HSD17B3: variants seen among roughly 807,000 people sequenced by gnomAD.
The protein encoded by HSD17B3 is hydroxysteroid 17-beta dehydrogenase 3.
In HSD17B3, 29 loss-of-function variants were observed where a neutral mutation model predicts 41.1. The ratio of observed to expected loss-of-function variants is 0.71; its 90% CI spans 0.53 to 0.96. HSD17B3 has a LOEUF of 0.96. HSD17B3 is among the 40% of genes least tolerant of loss of function. HSD17B3 has a pLI of 0.00. For synonymous variants in HSD17B3, 126 were observed against 145.6 expected (o/e 0.87, Z 0.97); for missense variants, 323 against 374.6 (o/e 0.86, Z 1.14).
intron 2 of HSD17B3, among the ~76,000 whole-genome samples, chr9:96,262,078 A>G (rs1015909211): frequency 6.6e-6 from 1 of 152,152 alleles, no homozygotes; most frequent in Non-Finnish European, 1.5e-5. Context: ...ACCACTATGA[A>G]GTTTAAAGAG....
intron 9 of HSD17B3, 102 bp downstream of exon 9, chr9:96,244,227 A>G: frequency 1.8e-6 from 2 of 1,129,764 alleles, no homozygotes; most frequent in South Asian, 2.4e-5. Flanking sequence ...CACAGGAGGC[A>G]GTGGCCCCAG....
At chr9:96,258,804 T>C (rs1277106001) in intron 2 of HSD17B3, among the ~76,000 whole-genome samples, 2 of 152,132 alleles carry the variant, frequency 1.3e-5, no homozygotes, top group Non-Finnish European at 2.9e-5. Flanking sequence ...CATTTAGAAG[T>C]TTTTTCATGT....
Position 96,278,631 on chromosome 9 carries a change from A to G in HSD17B3, c.201+19785T>C, listed in dbSNP as rs902005918. 7.2e-5 allele frequency among the ~76,000 whole-genome samples: 11 copies of G among 152,284 alleles called. No homozygotes were observed. In the East Asian group the frequency reaches 1.7e-3, roughly 24 times the overall value. Reference sequence around the variant, plus strand: ...CCACAGCAATTACACACACTCCCTAAGGGAACTCTGTCTACAACTAGGCAG... The same window carrying G: ...CCACAGCAATTACACACACTCCCTAGGGGAACTCTGTCTACAACTAGGCAG... On this transcript the variant is annotated intron_variant, in intron 2 of 10. Coordinates refer to ENST00000375263, the MANE Select transcript of HSD17B3 (RefSeq NM_000197.2).
At chr9:96,275,414 C>T (rs1160036745) in intron 2 of HSD17B3, among the ~76,000 whole-genome samples, 6 of 151,588 alleles carry the variant, frequency 4.0e-5, no homozygotes, top group African/African-American at 1.5e-4. Context: ...TAACAGATAC[C>T]CGGTATAAAA....
intron 2 of HSD17B3, among the ~76,000 whole-genome samples, chr9:96,289,058 G>A (rs778924609): frequency 4.4e-4 from 67 of 151,680 alleles, no homozygotes; most frequent in Non-Finnish European, 6.8e-4. Flanking sequence ...GCAATGAGCC[G>A]TGATCCCACC....
intron 2 of HSD17B3, among the ~76,000 whole-genome samples, chr9:96,280,065 G>A (rs541078528): frequency 5.1e-4 from 78 of 152,212 alleles, no homozygotes; most frequent in Admixed American, 8.5e-4. Flanking sequence ...CACTGTGCCC[G>A]GCCTGCTTTG....
chr9:96,274,098 CAAA>C (rs2130766427), intron 2 of HSD17B3, among the ~76,000 whole-genome samples: 1 of 152,260 alleles, frequency 6.6e-6, no homozygotes, highest in South Asian at 2.1e-4. Context: ...AACTGTCTAA[CAAA>C]GAAGTCAAAA....
In HSD17B3 at chr9:96,300,605, C is replaced by A. The variant is rs538653576; in HGVS notation, c.154+1346G>T. 3.3e-3 allele frequency among the ~76,000 whole-genome samples: 278 copies of A among 84,768 alleles called. 37 individuals carry two copies. Among genetic ancestry groups the A allele is most frequent in the Middle Eastern group, 5.8e-3 (1 of 172 alleles). 55.6% of individuals were successfully genotyped at this position (84,768 alleles called of 152,430 possible). On this transcript the variant is annotated intron_variant, in intron 1 of 10. Transcript: ENST00000375263. The stretch of plus-strand genomic sequence containing the variant: ...ACTTAATCATTTTTGTCATTGGATT[C>A]TTTGTGTGTGTGTGTGTGTGTGTGT...
intron 2 of HSD17B3, among the ~76,000 whole-genome samples, chr9:96,261,438 G>T (rs184466767): frequency 1.3e-5 from 2 of 152,228 alleles, no homozygotes; most frequent in Admixed American, 6.5e-5. Context: ...CAGGTGATCC[G>T]CCCGCCTTGG....
chr9:96,285,767 C>A (rs1164803502), intron 2 of HSD17B3, among the ~76,000 whole-genome samples: 1 of 152,118 alleles, frequency 6.6e-6, no homozygotes, highest in Non-Finnish European at 1.5e-5. Flanking sequence ...ATACAAGAGA[C>A]CCTAATAGTT....
chr9:96,300,630 T>C (rs1362253850), intron 1 of HSD17B3, among the ~76,000 whole-genome samples: 1 of 151,534 alleles, frequency 6.6e-6, no homozygotes, highest in Admixed American at 6.6e-5. Context: ...TGTGTGTGTG[T>C]GTGTGTGTCC....
intron 2 of HSD17B3, among the ~76,000 whole-genome samples, chr9:96,284,703 C>T (rs1437669731): frequency 6.6e-6 from 1 of 152,096 alleles, no homozygotes; most frequent in African/African-American, 2.4e-5. Context: ...TCCAGAAGCC[C>T]CAAGTTATCT....
chr9:96,284,340 T>C (rs1826826651), intron 2 of HSD17B3, among the ~76,000 whole-genome samples: 1 of 152,156 alleles, frequency 6.6e-6, no homozygotes, highest in Non-Finnish European at 1.5e-5. Flanking sequence ...TTAAAGCTTT[T>C]AACAATTGAG....
chr9:96,242,274 A>G (rs1836488337), intron 9 of HSD17B3, among the ~76,000 whole-genome samples: 1 of 152,228 alleles, frequency 6.6e-6, no homozygotes. Context: ...GGAAGTAATG[A>G]TAAGTATTTT....
chr9:96,272,405 C>CTCTCTCTCTCTCTCTCTCTCTATA (rs1239816824), intron 2 of HSD17B3, among the ~76,000 whole-genome samples: 8 of 21,536 alleles, frequency 3.7e-4, no homozygotes, highest in Non-Finnish European at 6.1e-4. Context: ...CTCTCTCTCT[C>CTCTCTCTCTCTCTCTCTCTCTATA]TATATATATA....
At chr9:96,277,827 A>G (rs1826526996) in intron 2 of HSD17B3, among the ~76,000 whole-genome samples, 1 of 131,978 alleles carries the variant, frequency 7.6e-6, no homozygotes. Flanking sequence ...ATGAATAAGG[A>G]AAATGTGGCA....
At chr9:96,282,329 A>G (rs1357974397) in intron 2 of HSD17B3, among the ~76,000 whole-genome samples, 3 of 152,234 alleles carry the variant, frequency 2.0e-5, no homozygotes, top group African/African-American at 4.8e-5. Flanking sequence ...TTTTATGAGA[A>G]AAGTAAAAAG....
At chr9:96,244,642 AG>A (rs1350343633) in intron 8 of HSD17B3, among the ~76,000 whole-genome samples, 1 of 152,068 alleles carries the variant, frequency 6.6e-6, no homozygotes, top group Admixed American at 6.5e-5. Flanking sequence ...CTAAGCAAGT[AG>A]ATCTCAGGGG....
intron 9 of HSD17B3, among the ~76,000 whole-genome samples, chr9:96,241,713 T>C (rs1380882896): frequency 6.6e-6 from 1 of 152,088 alleles, no homozygotes; most frequent in African/African-American, 2.4e-5. Context: ...GGCAGGACGA[T>C]TGCTTGAGCC....
Sources: gnomAD v4.1 joint callset for allele counts (sites outside exome capture counted in the v4.1 genomes callset) on GRCh38, gnomAD v4.1.1 for gene constraint, MANE v1.5 for transcripts, NCBI Gene and HGNC (gene_info 2026-07-23, HGNC 2026-07-21) for gene names.